The following MYH10 variants were observed in gnomAD, a reference collection of about 807,000 sequenced individuals.
MYH10 encodes the protein myosin-10.
A neutral mutation model predicts 257.8 loss-of-function variants in MYH10; 55 were observed. The observed-to-expected ratio is 0.21, with a 90% CI of 0.17 to 0.27. The LOEUF (loss-of-function observed/expected upper bound fraction) is 0.27, where lower values mean the gene tolerates loss of function less well. MYH10 is among the 10% of genes least tolerant of loss of function. The pLI is 1.00. For missense variants in MYH10, 1,631 were observed against 2,500.6 expected (o/e 0.65, Z 7.42); for synonymous variants, 854 against 921.7 (o/e 0.93, Z 1.33).
intron 36 of MYH10, among the ~76,000 whole-genome samples, chr17:8,485,437 A>G (rs1914591889): frequency 6.6e-6 from 1 of 150,756 alleles, no homozygotes; most frequent in African/African-American, 2.4e-5. Flanking sequence ...AACACAATAA[A>G]CTATCAAAAC....
At chr17:8,487,347 C>A in intron 36 of MYH10, 86 bp downstream of exon 36, 2 of 1,509,770 alleles carry the variant, frequency 1.3e-6, no homozygotes, top group South Asian at 1.2e-5. Context: ...CGGTGCTGTG[C>A]CCCCCAGCTT....
At chr17:8,549,834 G>A (rs2082563849) in intron 9 of MYH10, among the ~76,000 whole-genome samples, 4 of 151,140 alleles carry the variant, frequency 2.6e-5, no homozygotes, top group South Asian at 2.1e-4. Context: ...CAGTGCCTGC[G>A]ATTGAAAGCT....
At chr17:8,544,858 T>C (rs2151949630) in intron 13 of MYH10, among the ~76,000 whole-genome samples, 1 of 152,312 alleles carries the variant, frequency 6.6e-6, no homozygotes, top group Non-Finnish European at 1.5e-5. Context: ...AATCTATTGT[T>C]AAACCCTGGT....
intron 7 of MYH10, among the ~76,000 whole-genome samples, chr17:8,557,492 C>G (rs1400559877): frequency 6.6e-6 from 1 of 152,146 alleles, no homozygotes; most frequent in Non-Finnish European, 1.5e-5. Flanking sequence ...GTTCTCTTTC[C>G]AAGTGTCCTA....
intron 3 of MYH10, among the ~76,000 whole-genome samples, chr17:8,597,373 G>C (rs1278962015): frequency 1.3e-5 from 2 of 150,410 alleles, no homozygotes; most frequent in Non-Finnish European, 3.0e-5. Context: ...GAATATCATA[G>C]GCTTCTTACT....
chr17:8,484,290 G>A, intron 36 of MYH10, 24 bp from the exon 37 acceptor site: 1 of 1,592,300 alleles, frequency 6.3e-7, no homozygotes, highest in Non-Finnish European at 8.5e-7. Flanking sequence ...AGAAGGTTTT[G>A]GGGTGGTTTA....
In MYH10 at chr17:8,507,034, C is replaced by T. The variant is rs553449853; in HGVS notation, c.3215-545G>A. On this transcript the variant is annotated intron_variant, in intron 26 of 42. Transcript: ENST00000360416. ...CTCAGTTAGCCCTAGTGATCTATTT[C>T]ACTGAATGATTTATTTCCTCACAAC... 2.0e-5 allele frequency among the ~76,000 whole-genome samples: 3 copies of T among 152,328 alleles called. No individual in the cohort carries two copies. The East Asian group carries it at 5.8e-4, about 29-fold the overall frequency.
At chr17:8,561,387 T>C (rs1241691609) in intron 7 of MYH10, 1 of 1,103,558 alleles carries the variant, frequency 9.1e-7, no homozygotes, top group Non-Finnish European at 1.4e-6. Context: ...GTCAGGGGCA[T>C]TCTGAAGCAA....
chr17:8,579,926 T>C (rs1473080383), intron 4 of MYH10, among the ~76,000 whole-genome samples: 1 of 152,148 alleles, frequency 6.6e-6, no homozygotes, highest in Non-Finnish European at 1.5e-5. Flanking sequence ...CACCTCCCAA[T>C]ATCAATGACT....
At chr17:8,604,573 A>T (rs946309777) in intron 3 of MYH10, among the ~76,000 whole-genome samples, 3 of 152,214 alleles carry the variant, frequency 2.0e-5, no homozygotes, top group African/African-American at 7.2e-5. Flanking sequence ...TGTATATGAA[A>T]ACTAGATGCT....
chr17:8,519,357 G>C (rs1335420595), intron 19 of MYH10, among the ~76,000 whole-genome samples: 1 of 152,176 alleles, frequency 6.6e-6, no homozygotes, highest in Non-Finnish European at 1.5e-5. Flanking sequence ...TGTAAGAGCT[G>C]TGTTCATAGG....
At chr17:8,608,561 TC>T (rs1373112283) in intron 2 of MYH10, among the ~76,000 whole-genome samples, 1 of 152,180 alleles carries the variant, frequency 6.6e-6, no homozygotes, top group Non-Finnish European at 1.5e-5. Flanking sequence ...GCAGGATGCC[TC>T]TTGGGCAGCT....
At chr17:8,478,892 G>C (rs904652122) in intron 40 of MYH10, among the ~76,000 whole-genome samples, 1 of 152,124 alleles carries the variant, frequency 6.6e-6, no homozygotes, top group Non-Finnish European at 1.5e-5. Flanking sequence ...CCACCACGCT[G>C]GGCTAATTTG....
Position 8,492,921 on chromosome 17 carries a change from C to T in MYH10, c.4313G>A (p.Arg1438His), listed in dbSNP as rs536430361. 1.8e-5 allele frequency: 29 copies of T among 1,614,088 alleles called. No individual in the cohort carries two copies. The highest frequency in any genetic ancestry group is 8.9e-5 in the East Asian group (4 of 44,876). Residue 1438 changes from arginine to histidine, a missense_variant, in exon 33 of 43, where the codon CGC becomes CAC. Physicochemically the swap from Arg to His is conservative, Grantham distance 29. Around this residue, in one of 11 missense-constraint regions of MYH10, gnomAD observed 463 missense variants for 621.8 expected, o/e 0.74. Coordinates refer to ENST00000360416, the MANE Select transcript of MYH10 (RefSeq NM_001256012.3). ...LLKDAEALSQ[R>H]LEEKALAYDK... ...ATACGCCAGTGCCTTCTCCTCCAGGCGCTGGCTCAGGGCCTCCGCGTCCTT... is the reference window on the plus strand; with the variant it reads ...ATACGCCAGTGCCTTCTCCTCCAGGTGCTGGCTCAGGGCCTCCGCGTCCTT...
At chr17:8,587,225 C>T (rs1165350171) in intron 4 of MYH10, among the ~76,000 whole-genome samples, 3 of 152,132 alleles carry the variant, frequency 2.0e-5, no homozygotes, top group Non-Finnish European at 2.9e-5. Context: ...CTGAGCCTGG[C>T]CCAGATCTGC....
intron 2 of MYH10, among the ~76,000 whole-genome samples, chr17:8,615,277 CA>C (rs562266380): frequency 9.6e-4 from 135 of 140,704 alleles, no homozygotes; most frequent in Admixed American, 9.2e-4. Flanking sequence ...GAACCTATCT[CA>C]AAAAAAAAAA....
intron 7 of MYH10, 168 bp from the exon 8 acceptor site, chr17:8,554,186 C>T (rs1043336313): frequency 2.3e-6 from 1 of 432,514 alleles, no homozygotes; most frequent in Non-Finnish European, 4.2e-6. Flanking sequence ...TGATACATTT[C>T]AAAAAAGTAG....
chr17:8,602,373 G>C (rs564414362), intron 3 of MYH10, among the ~76,000 whole-genome samples: 1 of 152,166 alleles, frequency 6.6e-6, no homozygotes, highest in African/African-American at 2.4e-5. Context: ...TTCTCCACAC[G>C]GTCCTTGGTC....
intron 19 of MYH10, 74 bp downstream of exon 19, chr17:8,520,804 T>TA: frequency 6.8e-7 from 1 of 1,473,244 alleles, no homozygotes; most frequent in South Asian, 1.4e-5. Context: ...AAGATTTCCT[T>TA]ATTTTATCAC....
Sources: allele counts gnomAD v4.1 joint callset (sites outside exome capture counted in the v4.1 genomes callset), GRCh38; gene constraint gnomAD v4.1.1; regional missense constraint gnomAD v4.1.1; transcripts MANE v1.5; gene names NCBI Gene and HGNC (gene_info 2026-07-23, HGNC 2026-07-21).